The following CHSY3 variants were observed in gnomAD, a reference collection of about 807,000 sequenced individuals.
The protein encoded by CHSY3 is chondroitin sulfate synthase 3.
In CHSY3, 35 loss-of-function variants were observed where a neutral mutation model predicts 67.2. The observed-to-expected ratio is 0.52, with a 90% CI of 0.40 to 0.69. CHSY3 has a LOEUF of 0.69. Ranked by LOEUF, CHSY3 falls within the 30% of genes least tolerant of loss-of-function variation. The pLI is 0.00. For missense variants in CHSY3, 1,069 were observed against 1,138.5 expected (o/e 0.94, Z 0.88); for synonymous variants, 474 against 434.7 (o/e 1.09, Z -1.12).
chr5:130,113,552 A>G (rs1220211970), intron 2 of CHSY3, among the ~76,000 whole-genome samples: 1 of 152,206 alleles, frequency 6.6e-6, no homozygotes, highest in Non-Finnish European at 1.5e-5. Context: ...GTTAGAAAAC[A>G]CTAATAGAGT....
intron 2 of CHSY3, among the ~76,000 whole-genome samples, chr5:130,123,900 A>T (rs1768149292): frequency 6.6e-6 from 1 of 151,890 alleles, no homozygotes; most frequent in Non-Finnish European, 1.5e-5. Flanking sequence ...TACTAAAAAT[A>T]CAAAAAAAAT....
chr5:130,106,735 T>A (rs1462981206), intron 2 of CHSY3, among the ~76,000 whole-genome samples: 1 of 151,606 alleles, frequency 6.6e-6, no homozygotes. Context: ...AAATTTATAA[T>A]CTCAGCTGTC....
rs1436360450 is a variant in CHSY3, at chr5:130,014,512, A to C, written c.1086+106152A>C. ...GTGCCAGGCCAGATGGGGAAATGCT[A>C]GACACTCATAACCATCAGATCTTGT... On this transcript the variant is annotated intron_variant, in intron 2 of 2. Coordinates refer to ENST00000305031, the MANE Select transcript of CHSY3 (RefSeq NM_175856.5). Among the ~76,000 whole-genome samples, 3 of 152,204 alleles carry C rather than the reference A, an allele frequency of 2.0e-5. No homozygotes were observed. In the East Asian group the frequency reaches 5.8e-4, roughly 29 times the overall value.
At chr5:129,990,963 A>G (rs1763346318) in intron 2 of CHSY3, among the ~76,000 whole-genome samples, 1 of 152,120 alleles carries the variant, frequency 6.6e-6, no homozygotes, top group Non-Finnish European at 1.5e-5. Flanking sequence ...GATAAGACCT[A>G]GGTGTCAGAA....
intron 2 of CHSY3, among the ~76,000 whole-genome samples, chr5:129,954,458 T>C (rs1466643545): frequency 6.8e-6 from 1 of 147,802 alleles, no homozygotes; most frequent in Non-Finnish European, 1.5e-5. Flanking sequence ...GTCTTGGCTA[T>C]ACGGTTTTTT....
intron 2 of CHSY3, among the ~76,000 whole-genome samples, chr5:130,137,192 G>C (rs115960753): frequency 9.5e-4 from 144 of 152,246 alleles, no homozygotes; most frequent in African/African-American, 3.2e-3. Flanking sequence ...TGTAGGTTCT[G>C]TTTGCACATC....
intron 2 of CHSY3, among the ~76,000 whole-genome samples, chr5:129,933,487 A>G (rs572623560): frequency 3.1e-3 from 359 of 115,208 alleles, no homozygotes; most frequent in African/African-American, 9.3e-3. Flanking sequence ...TGAATATTAT[A>G]TTTAAAATAC....
intron 2 of CHSY3, among the ~76,000 whole-genome samples, chr5:130,149,513 C>A (rs1769172861): frequency 6.6e-6 from 1 of 152,184 alleles, no homozygotes; most frequent in Non-Finnish European, 1.5e-5. Context: ...CTCACTGTCA[C>A]AAAGACAGCA....
At chr5:130,061,820 T>C (rs1765722238) in intron 2 of CHSY3, among the ~76,000 whole-genome samples, 1 of 151,800 alleles carries the variant, frequency 6.6e-6, no homozygotes, top group South Asian at 2.1e-4. Flanking sequence ...TTGCTGATCA[T>C]CAGAGAAATG....
chr5:130,014,359 C>G lies in CHSY3; in HGVS notation c.1086+105999C>G, dbSNP rs183386719. On this transcript the variant is annotated intron_variant, in intron 2 of 2. Transcript: ENST00000305031. Reference sequence around the variant, plus strand: ...TTTCATGCTGCTATGAAGAAATACCCAAAAGTGGGTAATTTATAAAGAAAA... The same window carrying G: ...TTTCATGCTGCTATGAAGAAATACCGAAAAGTGGGTAATTTATAAAGAAAA... 2.5e-3 allele frequency among the ~76,000 whole-genome samples: 382 copies of G among 152,238 alleles called. 3 individuals are homozygous for G. Among genetic ancestry groups the G allele is most frequent in the African/African-American group, 8.7e-3 (360 of 41,530 alleles).
intron 2 of CHSY3, among the ~76,000 whole-genome samples, chr5:130,026,605 GC>G (rs1165296699): frequency 6.6e-6 from 1 of 152,022 alleles, no homozygotes; most frequent in African/African-American, 2.4e-5. Flanking sequence ...AGAAAATCAT[GC>G]TTACTTACTT....
At chr5:130,150,106 A>G (rs1305226963) in intron 2 of CHSY3, among the ~76,000 whole-genome samples, 1 of 152,174 alleles carries the variant, frequency 6.6e-6, no homozygotes, top group Admixed American at 6.5e-5. Context: ...GTAAGTATTT[A>G]TTACTTTTTT....
chr5:130,144,091 A>G (rs1231413319), intron 2 of CHSY3, among the ~76,000 whole-genome samples: 1 of 151,432 alleles, frequency 6.6e-6, no homozygotes, highest in African/African-American at 2.4e-5. Context: ...CTATGCTTAA[A>G]GGGTTTAAGA....
chr5:130,161,579 G>A (rs1769544866), intron 2 of CHSY3, among the ~76,000 whole-genome samples: 1 of 152,070 alleles, frequency 6.6e-6, no homozygotes, highest in African/African-American at 2.4e-5. Flanking sequence ...TCAGAATTGT[G>A]GTTACATTTT....
intron 2 of CHSY3, among the ~76,000 whole-genome samples, chr5:130,108,829 G>C (rs1767495660): frequency 6.6e-6 from 1 of 151,538 alleles, no homozygotes; most frequent in African/African-American, 2.4e-5. Flanking sequence ...GTATTTTATA[G>C]GTTTATTAAT....
intron 2 of CHSY3, among the ~76,000 whole-genome samples, chr5:130,123,405 T>C (rs979687512): frequency 1.3e-5 from 2 of 152,176 alleles, no homozygotes; most frequent in African/African-American, 4.8e-5. Flanking sequence ...AGGATGAAAC[T>C]ATTCCACCTC....
At chr5:129,955,013 C>T (rs749037288) in intron 2 of CHSY3, among the ~76,000 whole-genome samples, 3 of 151,910 alleles carry the variant, frequency 2.0e-5, no homozygotes, top group South Asian at 2.1e-4. Flanking sequence ...TGTCTATAGG[C>T]GCATGCCACA....
intron 2 of CHSY3, among the ~76,000 whole-genome samples, chr5:129,977,029 A>G (rs1762831969): frequency 6.6e-6 from 1 of 152,006 alleles, no homozygotes; most frequent in African/African-American, 2.4e-5. Context: ...GCTGCTATGT[A>G]AGGCACTTCC....
At chr5:130,128,901 T>C (rs1768387145) in intron 2 of CHSY3, among the ~76,000 whole-genome samples, 1 of 152,042 alleles carries the variant, frequency 6.6e-6, no homozygotes, top group South Asian at 2.1e-4. Context: ...AGTAAGATCA[T>C]GGGCATGTGT....
Sources: gnomAD v4.1 joint callset for allele counts (sites outside exome capture counted in the v4.1 genomes callset) on GRCh38, gnomAD v4.1.1 for gene constraint, MANE v1.5 for transcripts, NCBI Gene and HGNC (gene_info 2026-07-23, HGNC 2026-07-21) for gene names.